TACR3: variants seen among roughly 807,000 people sequenced by gnomAD.
The protein encoded by TACR3 is tachykinin receptor 3.
TACR3 carries 34 observed loss-of-function variants against 35.0 expected under a neutral mutation model. The ratio of observed to expected loss-of-function variants is 0.97; its 90% confidence interval spans 0.74 to 1.30. The LOEUF is 1.30. Among genes scored for constraint, TACR3 ranks in the 50% most tolerant of loss-of-function variants. The probability of loss-of-function intolerance (pLI) is 0.00; values close to 1 mark genes in which losing one functional copy is unlikely to be tolerated. For synonymous variants in TACR3, 233 were observed against 221.1 expected, an observed-to-expected ratio of 1.05 and a Z score of -0.48; for missense variants, 558 against 591.7, an observed-to-expected ratio of 0.94 and a Z score of 0.59.
At chr4:103,600,107 C>A (rs201850574) in intron 3 of TACR3, among the ~76,000 whole-genome samples, 1 of 152,032 alleles carries the variant, frequency 6.6e-6, no homozygotes, top group Admixed American at 6.6e-5. Context: ...GGTTGGTAAG[C>A]TATTGATTAT....
chr4:103,709,323 C>T (rs1722882217), intron 1 of TACR3, among the ~76,000 whole-genome samples: 1 of 152,204 alleles, frequency 6.6e-6, no homozygotes, highest in Admixed American at 6.5e-5. Context: ...AGAAACTCTA[C>T]AGGCCAGAAG....
chr4:103,616,210 GA>G (rs1288384097), intron 3 of TACR3, among the ~76,000 whole-genome samples: 1 of 151,594 alleles, frequency 6.6e-6, no homozygotes, highest in Non-Finnish European at 1.5e-5. Flanking sequence ...GACAACCAAA[GA>G]AAAAAAGACA....
intron 1 of TACR3, among the ~76,000 whole-genome samples, chr4:103,697,569 C>T (rs546084560): frequency 1.1e-4 from 16 of 151,978 alleles, no homozygotes; most frequent in East Asian, 9.7e-4. Flanking sequence ...GGACTACAGG[C>T]GCCCGCCACC....
intron 3 of TACR3, among the ~76,000 whole-genome samples, chr4:103,598,279 C>T (rs561788903): frequency 9.3e-4 from 141 of 152,090 alleles, no homozygotes; most frequent in East Asian, 3.1e-3. Context: ...TCATATCCTT[C>T]GCCCACTTTT....
intron 1 of TACR3, among the ~76,000 whole-genome samples, chr4:103,667,939 C>T (rs1725968194): frequency 6.6e-6 from 1 of 152,046 alleles, no homozygotes; most frequent in African/African-American, 2.4e-5. Context: ...AGTGATCCTC[C>T]CACCTCAGTC....
chr4:103,676,653 C>T (rs922447173), intron 1 of TACR3, among the ~76,000 whole-genome samples: 1 of 152,086 alleles, frequency 6.6e-6, no homozygotes, highest in African/African-American at 2.4e-5. Flanking sequence ...GCTGGGATAA[C>T]TGGTTAGCCA....
At chr4:103,658,886 T>C (rs1471666830) in intron 1 of TACR3, among the ~76,000 whole-genome samples, 1 of 152,190 alleles carries the variant, frequency 6.6e-6, no homozygotes, top group African/African-American at 2.4e-5. Flanking sequence ...AAAATAATTA[T>C]ACAACTTGCC....
intron 3 of TACR3, chr4:103,593,555 A>G (rs1477531309): frequency 6.6e-6 from 1 of 152,204 alleles, no homozygotes; most frequent in Non-Finnish European, 1.5e-5. Flanking sequence ...ATTAGACTAA[A>G]TGAAATTAGT....
intron 1 of TACR3, among the ~76,000 whole-genome samples, chr4:103,682,584 G>A (rs1370165314): frequency 6.6e-6 from 1 of 152,096 alleles, no homozygotes; most frequent in Non-Finnish European, 1.5e-5. Flanking sequence ...TAGGGATTAT[G>A]GGGATTACAA....
intron 1 of TACR3, among the ~76,000 whole-genome samples, chr4:103,662,413 G>T (rs563634174): frequency 6.6e-6 from 1 of 152,126 alleles, no homozygotes; most frequent in South Asian, 2.1e-4. Flanking sequence ...TAGAGAGGGG[G>T]TTTCCCATAT....
intron 3 of TACR3, among the ~76,000 whole-genome samples, chr4:103,598,645 G>A (rs1443792328): frequency 6.6e-6 from 1 of 152,120 alleles, no homozygotes; most frequent in Non-Finnish European, 1.5e-5. Context: ...GTGTAAGGAA[G>A]GGATCCAGTT....
intron 3 of TACR3, among the ~76,000 whole-genome samples, chr4:103,605,960 C>T (rs893972266): frequency 1.6e-4 from 24 of 151,852 alleles, no homozygotes; most frequent in Non-Finnish European, 3.2e-4. Flanking sequence ...GGTTTTAGGT[C>T]GTACGTTTAA....
At position 103,589,443 on chromosome 4, in the gene TACR3, T is replaced by C; in HGVS notation, c.*239A>G. ...CTGACATATTTTTGTTCATTGCATA[T>C]AATAATTTAGAGTTTTCAAAGAATA... On this transcript the variant is annotated 3_prime_UTR_variant, in exon 5 of 5. Coordinates refer to ENST00000304883, the MANE Select transcript of TACR3 (RefSeq NM_001059.3). 1 of 493,644 alleles carries C rather than the reference T, an allele frequency of 2.0e-6. No homozygotes were observed. 30.6% of individuals were successfully genotyped at this position (493,644 alleles called of 1,614,324 possible).
intron 3 of TACR3, among the ~76,000 whole-genome samples, chr4:103,622,051 CAGAG>C (rs1450461109): frequency 2.0e-5 from 3 of 152,096 alleles, no homozygotes; most frequent in African/African-American, 7.2e-5. Flanking sequence ...GAATGGTCTG[CAGAG>C]AGAAAGGACA....
intron 1 of TACR3, among the ~76,000 whole-genome samples, chr4:103,717,270 AAAT>A (rs1723109790): frequency 1.3e-5 from 2 of 152,072 alleles, no homozygotes; most frequent in African/African-American, 4.8e-5. Flanking sequence ...ACATTCTTTT[AAAT>A]AATAATTTTA....
chr4:103,706,454 A>T (rs1722792229), intron 1 of TACR3, among the ~76,000 whole-genome samples: 1 of 152,310 alleles, frequency 6.6e-6, no homozygotes, highest in Admixed American at 6.5e-5. Flanking sequence ...TAAATGTTTA[A>T]TAACAGCATG....
intron 1 of TACR3, among the ~76,000 whole-genome samples, chr4:103,680,913 T>C (rs1268603343): frequency 6.6e-6 from 1 of 151,934 alleles, no homozygotes; most frequent in Non-Finnish European, 1.5e-5. Flanking sequence ...TCACATTTTT[T>C]CAAAAGAAAA....
At chr4:103,611,675 G>T (rs1161457107) in intron 3 of TACR3, among the ~76,000 whole-genome samples, 4 of 151,956 alleles carry the variant, frequency 2.6e-5, no homozygotes, top group African/African-American at 9.7e-5. Context: ...CACAGACATG[G>T]CATCAAGAAG....
At chr4:103,692,871 C>A (rs1722436900) in intron 1 of TACR3, among the ~76,000 whole-genome samples, 3 of 152,048 alleles carry the variant, frequency 2.0e-5, no homozygotes. Flanking sequence ...AGTAAATCAC[C>A]AATGGAATAA....
Sources: allele counts gnomAD v4.1 joint callset (sites outside exome capture counted in the v4.1 genomes callset), GRCh38; gene constraint gnomAD v4.1.1; transcripts MANE v1.5; gene names NCBI Gene and HGNC (gene_info 2026-07-23, HGNC 2026-07-21).